The following PGCKA1 variants were observed in gnomAD, a reference collection of about 807,000 sequenced individuals.
PGCKA1 encodes PDCD10 and GCKIII kinases-associated protein 1.
chr4:37,507,689 G>C, the PGCKA1 span, among the ~76,000 whole-genome samples: 1 of 151,828 alleles, frequency 6.6e-6, no homozygotes, highest in African/African-American at 2.4e-5. Flanking sequence ...TAGTCTTTCT[G>C]TCTAAAAAAA....
chr4:37,586,255 G>A, the PGCKA1 span, among the ~76,000 whole-genome samples: 2 of 152,066 alleles, frequency 1.3e-5, no homozygotes, highest in Admixed American at 6.6e-5. Context: ...TGGGCGACAC[G>A]GCTGGCACAA....
the PGCKA1 span, chr4:37,461,222 T>A: frequency 6.6e-6 from 1 of 152,244 alleles, no homozygotes; most frequent in African/African-American, 2.4e-5. Flanking sequence ...ACTGTAGCCT[T>A]GTAATATAAT....
the PGCKA1 span, among the ~76,000 whole-genome samples, chr4:37,531,718 C>G: frequency 6.6e-6 from 1 of 150,954 alleles, no homozygotes; most frequent in Non-Finnish European, 1.5e-5. Flanking sequence ...TGGTGAAACC[C>G]CATCTCTACT....
chr4:37,577,530 T>C, the PGCKA1 span, among the ~76,000 whole-genome samples: 2 of 152,144 alleles, frequency 1.3e-5, no homozygotes, highest in African/African-American at 4.8e-5. Flanking sequence ...CTTTTGTTGA[T>C]CTTTTGTATT....
the PGCKA1 span, among the ~76,000 whole-genome samples, chr4:37,463,130 C>T: frequency 7.2e-5 from 11 of 152,068 alleles, no homozygotes; most frequent in African/African-American, 2.2e-4. Flanking sequence ...AGGGCTGGGA[C>T]CCATGTCTAT....
chr4:37,503,653 G>A, the PGCKA1 span, among the ~76,000 whole-genome samples: 29 of 152,206 alleles, frequency 1.9e-4, no homozygotes, highest in Non-Finnish European at 3.2e-4. Flanking sequence ...TCTAACTGGG[G>A]TGAGATGATA....
At chr4:37,545,198 T>C in the PGCKA1 span, among the ~76,000 whole-genome samples, 1 of 152,192 alleles carries the variant, frequency 6.6e-6, no homozygotes, top group African/African-American at 2.4e-5. Context: ...TAGAGACTTT[T>C]GTTGGTAGAA....
the PGCKA1 span, among the ~76,000 whole-genome samples, chr4:37,486,461 C>T: frequency 2.0e-5 from 3 of 152,072 alleles, no homozygotes; most frequent in Non-Finnish European, 2.9e-5. Context: ...ATCATTCTGC[C>T]GAGCAAGAAA....
chr4:37,473,534 T>C, the PGCKA1 span, among the ~76,000 whole-genome samples: 1 of 152,256 alleles, frequency 6.6e-6, no homozygotes, highest in East Asian at 1.9e-4. Flanking sequence ...GAATGTTAAA[T>C]AGAATATAAG....
the PGCKA1 span, among the ~76,000 whole-genome samples, chr4:37,574,923 T>C: frequency 6.6e-6 from 1 of 151,760 alleles, no homozygotes; most frequent in Non-Finnish European, 1.5e-5. Context: ...TCTATCCATG[T>C]TGTTGCAAAG....
the PGCKA1 span, among the ~76,000 whole-genome samples, chr4:37,468,792 A>G: frequency 6.6e-6 from 1 of 152,126 alleles, no homozygotes; most frequent in African/African-American, 2.4e-5. Flanking sequence ...AAGTCTTTCA[A>G]ACCAGTTTTC....
the PGCKA1 span, among the ~76,000 whole-genome samples, chr4:37,458,248 C>T: frequency 6.4e-3 from 980 of 152,256 alleles, 4 homozygotes; most frequent in African/African-American, 0.015. Flanking sequence ...CATGTTCCTA[C>T]TTCTGACTAA....
At chr4:37,467,787 T>C in the PGCKA1 span, among the ~76,000 whole-genome samples, 2 of 152,216 alleles carry the variant, frequency 1.3e-5, no homozygotes, top group African/African-American at 4.8e-5. Flanking sequence ...TCCAGTAAAT[T>C]TGTGCTTGAA....
the PGCKA1 span, among the ~76,000 whole-genome samples, chr4:37,551,295 G>A: frequency 0.14 from 21,156 of 150,550 alleles, 2,030 homozygotes; most frequent in East Asian, 0.43. Context: ...CACAAAAAAC[G>A]AAGCGTAGCC....
chr4:37,457,343 T>C, the PGCKA1 span, among the ~76,000 whole-genome samples: 2 of 152,210 alleles, frequency 1.3e-5, no homozygotes, highest in African/African-American at 4.8e-5. Context: ...CATGGCCTGC[T>C]GTATGTCACA....
chr4:37,577,121 T>C, the PGCKA1 span, among the ~76,000 whole-genome samples: 2 of 152,166 alleles, frequency 1.3e-5, no homozygotes, highest in African/African-American at 4.8e-5. Flanking sequence ...AAATATTCCC[T>C]CCTCCTCTAT....
At chr4:37,566,735 C>T in the PGCKA1 span, among the ~76,000 whole-genome samples, 1 of 152,168 alleles carries the variant, frequency 6.6e-6, no homozygotes, top group African/African-American at 2.4e-5. Context: ...GGTGCACCAC[C>T]ACACCCAGCT....
chr4:37,521,036 G>A, the PGCKA1 span, among the ~76,000 whole-genome samples: 26 of 151,964 alleles, frequency 1.7e-4, no homozygotes, highest in East Asian at 4.3e-3. Flanking sequence ...TTGATATTTT[G>A]TATTTTTTTA....
At chr4:37,576,111 G>T in the PGCKA1 span, among the ~76,000 whole-genome samples, 2 of 151,956 alleles carry the variant, frequency 1.3e-5, no homozygotes, top group Non-Finnish European at 2.9e-5. Context: ...TTTTAGAATT[G>T]TTTTTTCTAT....
Sources: allele counts gnomAD v4.1 joint callset (sites outside exome capture counted in the v4.1 genomes callset), GRCh38; gene constraint gnomAD v4.1.1; transcripts MANE v1.5; gene names NCBI Gene and HGNC (gene_info 2026-07-23, HGNC 2026-07-21).